DENND4B: variants seen among roughly 807,000 people sequenced by gnomAD.
The protein encoded by DENND4B is DENN domain containing 4B, also known as DENN domain-containing protein 4B.
DENND4B carries 67 observed loss-of-function variants against 161.0 expected under a neutral mutation model. That is an observed-to-expected ratio of 0.42 (90% CI 0.34 to 0.51). DENND4B has a LOEUF of 0.51. DENND4B is among the 20% of genes least tolerant of loss of function. DENND4B has a pLI of 0.08. For missense variants in DENND4B, 1,481 were observed against 1,968.0 expected, an observed-to-expected ratio of 0.75 and a Z score of 4.68; for synonymous variants, 753 against 813.8, an observed-to-expected ratio of 0.93 and a Z score of 1.27.
chr1:153,942,415 G>T lies in DENND4B; in HGVS notation c.641-59C>A. 1 of 1,589,084 alleles carries T rather than the reference G, an allele frequency of 6.3e-7. No individual in the cohort carries two copies. The highest frequency in any genetic ancestry group is 2.3e-5 in the East Asian group (1 of 43,782). ...GGAGCAGGGTCCATCAGACTCCAAG[G>T]GAAATGAACCAAGGGATCCCAGAGA... On this transcript the variant is annotated intron_variant, in intron 4 of 27. Coordinates refer to ENST00000361217, the MANE Select transcript of DENND4B (RefSeq NM_014856.3). The surrounding 1 kb of genome is among the most constrained non-coding windows in gnomAD (Gnocchi z 6.9).
In DENND4B at chr1:153,941,909, G is replaced by A. The variant is rs369509739; in HGVS notation, c.1015C>T (p.Arg339Cys). Reference sequence around the variant, plus strand: ...CGGTGGGGGCCTGAGACGGAGTAGCGGTAAAGGAAGGTGAGGAAGGCGCGG... The same window carrying A: ...CGGTGGGGGCCTGAGACGGAGTAGCAGTAAAGGAAGGTGAGGAAGGCGCGG... ...AFRAFLTFLY[R>C]YSVSGPHRLP... The change falls in exon 6 of 28, where the codon CGC becomes TGC. Residue 339 changes from arginine (R) to cysteine (C), a missense_variant. Arg to Cys is a radical substitution (Grantham distance 180). Transcript: ENST00000361217. 1 of 1,612,224 alleles carries A rather than the reference G, an allele frequency of 6.2e-7. No homozygotes were observed.
rs1571064182 is a variant in DENND4B at position 153,946,222 on chromosome 1, A to C, written c.-24+79T>G. On this transcript the variant is annotated intron_variant, in intron 1 of 27. Coordinates refer to ENST00000361217, the MANE Select transcript of DENND4B (RefSeq NM_014856.3). This position sits in a 1 kb window ranked among gnomAD's most constrained non-coding sequence, Gnocchi z 6.3. The stretch of plus-strand genomic sequence containing the variant: ...CAGTGAGGGACAGCAGCTGGGGGCC[A>C]TCCCCCACCCCGCCTGCCGCCCGCG... The C allele has an allele frequency of 3.1e-6, 1 of 323,986 alleles. No homozygotes were observed. 20.1% of individuals were successfully genotyped at this position (323,986 alleles called of 1,614,324 possible). A position where few individuals can be genotyped will look rare whatever the true frequency, so the allele number is the denominator to read the frequency against.
Position 153,934,834 on chromosome 1 carries a change from T to C in DENND4B, c.2699A>G (p.Gln900Arg), listed in dbSNP as rs988251591. 26 of 1,606,872 alleles carry C rather than the reference T, an allele frequency of 1.6e-5. No homozygotes were observed. The East Asian group carries it at 2.0e-4, about 12-fold the overall frequency. ...CTGCTGCTGCTGCTGCTGCTGTTGC[T>C]GCTGCTGCTGCTGTTGCCGTTCTCT... Reference protein sequence around the residue: ...PLRERQQQQQQQQQQQQQQQQ... With the variant: ...PLRERQQQQQRQQQQQQQQQQ... Residue 900 changes from glutamine (Q) to arginine (R), a missense_variant, in exon 18 of 28, where the codon CAG becomes CGG. Coordinates refer to ENST00000361217, the MANE Select transcript of DENND4B (RefSeq NM_014856.3). This position sits in a 1 kb window ranked among gnomAD's most constrained non-coding sequence, Gnocchi z 5.3.
In DENND4B at chr1:153,935,088, C is replaced by T. The variant is rs552762571; in HGVS notation, c.2569-124G>A. ...TGCAGACATCCTGTCTAGGACTGTC[C>T]GGCCAATGGCTCAGCCAGGAACAAG... On this transcript the variant is annotated intron_variant, in intron 17 of 27. Coordinates refer to ENST00000361217, the MANE Select transcript of DENND4B (RefSeq NM_014856.3). The T allele has an allele frequency of 3.4e-5, 50 of 1,479,616 alleles. No individual in the cohort carries two copies. In the South Asian group the frequency reaches 5.0e-4, roughly 15 times the overall value. The allele number at this position is 1,479,616 out of a possible 1,614,324, so 91.7% of individuals were successfully genotyped here. A position where few individuals can be genotyped will look rare whatever the true frequency, so the allele number is the denominator to read the frequency against.
Position 153,942,305 on chromosome 1 carries a change from T to G in DENND4B, c.692A>C (p.Glu231Ala). The G allele has an allele frequency of 6.2e-7, 1 of 1,613,634 alleles. No homozygotes were observed. Among genetic ancestry groups the G allele is most frequent in the East Asian group, 2.2e-5 (1 of 44,856 alleles). ...GGGCAGGCAGAAGACGGGCACTGAC[T>G]CGGGCAGCGGGAACGCCTCATTGTC... ...EEDNEAFPLP[E>A]SVPVFCLPMG... Residue 231 changes from glutamate (E) to alanine (A), a missense_variant, in exon 5 of 28, where the codon GAG becomes GCG. Physicochemically the swap from Glu to Ala is moderately radical, Grantham distance 107. Transcript: ENST00000361217. The surrounding 1 kb of genome is among the most constrained non-coding windows in gnomAD (Gnocchi z 6.9).
Position 153,932,511 on chromosome 1 carries a change from C to G in DENND4B, c.3760-71G>C. On this transcript the variant is annotated intron_variant, in intron 23 of 27. Coordinates refer to ENST00000361217, the MANE Select transcript of DENND4B (RefSeq NM_014856.3). The surrounding 1 kb of genome is among the most constrained non-coding windows in gnomAD (Gnocchi z 5.8). ...CAGAGCCTTGCCTCCCACTGAGCCA[C>G]CACATCCAACAGCTTTTGGGATGCC... 6.4e-7 allele frequency: 1 copy of G among 1,555,870 alleles called. No individual in the cohort carries two copies. The highest frequency in any genetic ancestry group is 8.7e-7 in the Non-Finnish European group (1 of 1,148,886).
In DENND4B at chr1:153,944,378, C is replaced by G. The variant is rs560393086; in HGVS notation, c.-4G>C. On this transcript the variant is annotated 5_prime_UTR_variant, in exon 2 of 28. Coordinates refer to ENST00000361217, the MANE Select transcript of DENND4B (RefSeq NM_014856.3). The surrounding 1 kb of genome is among the most constrained non-coding windows in gnomAD (Gnocchi z 4.8). ...GGGGGGGCCGCTCCTCCGCCATGGC[C>G]CCCCCCTCACTCACTGCATCTGGAA... The G allele has an allele frequency of 5.9e-5, 95 of 1,601,216 alleles. No homozygotes were observed. The highest frequency in any genetic ancestry group is 4.5e-4 in the African/African-American group (34 of 74,726).
At position 153,937,543 on chromosome 1, in the gene DENND4B, A is replaced by G; in HGVS notation, c.2177T>C (p.Val726Ala). The change falls in exon 15 of 28, where the codon GTG becomes GCG. Residue 726 changes from valine (V) to alanine (A), a missense_variant. Transcript: ENST00000361217. The surrounding 1 kb of genome is among the most constrained non-coding windows in gnomAD (Gnocchi z 4.7). ...SLQEQPGALP[V>A]PGPSRSAPSS... is the part of the protein sequence containing the mutation. ...GGGGGCGCTACGGGAAGGGCCTGGC[A>G]CAGGCAGGGCCCCAGGTTGCTCTTG... 2 of 1,610,120 alleles carry G rather than the reference A, an allele frequency of 1.2e-6. No individual in the cohort carries two copies. The highest frequency in any genetic ancestry group is 1.7e-6 in the Non-Finnish European group (2 of 1,178,026).
Position 153,933,637 on chromosome 1 carries a change from G to A in DENND4B, c.3176C>T (p.Ala1059Val). Residue 1059 changes from alanine (A) to valine (V), a missense_variant, in exon 20 of 28, where the codon GCC (alanine) becomes GTC (valine). This residue lies in a region of DENND4B where 339 missense variants were observed against 330.3 expected (regional missense o/e 1.03). Transcript: ENST00000361217. This position sits in a 1 kb window ranked among gnomAD's most constrained non-coding sequence, Gnocchi z 5.7. Reference sequence around the variant, plus strand: ...AGGAGTGAGCAGCTGTTGGAGGCGGGCACCCAGCCCTCGTCGGGGGGTGCC... The same window carrying A: ...AGGAGTGAGCAGCTGTTGGAGGCGGACACCCAGCCCTCGTCGGGGGGTGCC... ...EAGTPRRGLG[A>V]RLQQLLTPSR... 2 of 1,566,978 alleles carry A rather than the reference G, an allele frequency of 1.3e-6. No homozygotes were observed. Among genetic ancestry groups the A allele is most frequent in the East Asian group, 2.3e-5 (1 of 43,578 alleles).
chr1:153,943,497 G>A (rs941585921), intron 2 of DENND4B, among the ~76,000 whole-genome samples: 2 of 152,074 alleles, frequency 1.3e-5, no homozygotes, highest in African/African-American at 4.8e-5. Context: ...GGCCAACATG[G>A]TCAAACCCCA....
At position 153,930,817 on chromosome 1, in the gene DENND4B, A is replaced by G; in HGVS notation, c.4155T>C (p.Pro1385=). ...CCAACAGTGCCAAACTAAGGGATGC[A>G]GGTACAGGGCCTGGCCATACCACCC... The part of the protein sequence containing the change: ...PQRVVWPGPV[P]ASLSLALLES... The change falls in exon 26 of 28, where the codon CCT becomes CCC. Residue 1385 remains proline, a synonymous_variant. Transcript: ENST00000361217. This position sits in a 1 kb window ranked among gnomAD's most constrained non-coding sequence, Gnocchi z 4.7. 1 of 1,604,374 alleles carries G rather than the reference A, an allele frequency of 6.2e-7. No individual in the cohort carries two copies. The highest frequency in any genetic ancestry group is 8.5e-7 in the Non-Finnish European group (1 of 1,175,520).
Position 153,942,547 on chromosome 1 carries a change from G to C in DENND4B, c.640+9C>G. 3 of 1,593,424 alleles carry C rather than the reference G, an allele frequency of 1.9e-6. No homozygotes were observed. The highest frequency in any genetic ancestry group is 2.6e-6 in the Non-Finnish European group (3 of 1,169,772). Reference sequence around the variant, plus strand: ...GTCACAGGATTGGAGGGATAAAGGGGCCACTCACCTGCCTCGTACACCAGC... The same window carrying C: ...GTCACAGGATTGGAGGGATAAAGGGCCCACTCACCTGCCTCGTACACCAGC... On this transcript the variant is annotated intron_variant, in intron 4 of 27. Transcript: ENST00000361217. This position sits in a 1 kb window ranked among gnomAD's most constrained non-coding sequence, Gnocchi z 6.9.
At position 153,936,856 on chromosome 1, in the gene DENND4B, T is replaced by C. The variant is rs1679369955; in HGVS notation, c.2233-108A>G. The C allele has an allele frequency of 1.7e-6, 2 of 1,153,028 alleles. No homozygotes were observed. The highest frequency in any genetic ancestry group is 3.7e-5 in the South Asian group (2 of 54,468). The allele number at this position is 1,153,028 out of a possible 1,614,324, so 71.4% of individuals were successfully genotyped here. ...TCTCGCTCTGTCACCCAGGCTGGAG[T>C]GCAGTGGCGCAATCTTGGCTCACTG... On this transcript the variant is annotated intron_variant, in intron 15 of 27. Coordinates refer to ENST00000361217, the MANE Select transcript of DENND4B (RefSeq NM_014856.3). The surrounding 1 kb of genome is among the most constrained non-coding windows in gnomAD (Gnocchi z 4.1).
intron 6 of DENND4B, 97 bp downstream of exon 6, chr1:153,941,772 C>G: frequency 6.8e-7 from 1 of 1,464,442 alleles, no homozygotes; most frequent in Non-Finnish European, 9.3e-7. Context: ...TACCCTGTGC[C>G]CAGCCCTCCC....
At position 153,937,201 on chromosome 1, in the gene DENND4B, G is replaced by T. The variant is rs144183480; in HGVS notation, c.2232+287C>A. 2.6e-5 allele frequency among the ~76,000 whole-genome samples: 4 copies of T among 152,232 alleles called. No homozygotes were observed. Among genetic ancestry groups the T allele is most frequent in the Non-Finnish European group, 5.9e-5 (4 of 68,042 alleles). ...AGGCTGCAGCCCTGCCTGGAGCCCC[G>T]TGCAGAGAGGCTGGCCCTTGAGCAT... On this transcript the variant is annotated intron_variant, in intron 15 of 27. Coordinates refer to ENST00000361217, the MANE Select transcript of DENND4B (RefSeq NM_014856.3). The surrounding 1 kb of genome is among the most constrained non-coding windows in gnomAD (Gnocchi z 4.7).
intron 2 of DENND4B, among the ~76,000 whole-genome samples, chr1:153,943,551 G>A (rs921415858): frequency 6.6e-6 from 1 of 152,040 alleles, no homozygotes; most frequent in Non-Finnish European, 1.5e-5. Context: ...GGTGGCACAT[G>A]CCTATAGTCT....
In DENND4B at chr1:153,934,272, C is replaced by T. The variant is rs369242631; in HGVS notation, c.2804G>A (p.Arg935His). 107 of 1,595,004 alleles carry T rather than the reference C, an allele frequency of 6.7e-5. No individual in the cohort carries two copies. In the South Asian group the frequency reaches 7.1e-4, roughly 11 times the overall value. ...EPYLERPSPT[R>H]PLQRQTTWAG... ...CCAAGTAGTCTGGCGCTGAAGAGGG[C>T]GAGTAGGGGAAGGGCGCTCCAAATA... is the stretch of plus-strand genomic sequence containing the variant. Residue 935 changes from arginine (R) to histidine (H), a missense_variant, in exon 19 of 28, where the codon CGC becomes CAC. Physicochemically the swap from Arg to His is conservative, Grantham distance 29. Transcript: ENST00000361217. This position sits in a 1 kb window ranked among gnomAD's most constrained non-coding sequence, Gnocchi z 5.3.
In DENND4B at chr1:153,941,459, G is replaced by A. The variant is rs1185459574; in HGVS notation, c.1056-19C>T. On this transcript the variant is annotated intron_variant, in intron 6 of 27. Transcript: ENST00000361217. ...GATGTGCCTGGGGGACAGAGAAACA[G>A]GTCAGAGCATACTCCCCCGTCCATC... The A allele has an allele frequency of 5.6e-6, 9 of 1,606,910 alleles. No individual in the cohort carries two copies. In the East Asian group the frequency reaches 1.6e-4, roughly 28 times the overall value.
intron 1 of DENND4B, among the ~76,000 whole-genome samples, chr1:153,945,667 CTTGAT>C (rs1278858609): frequency 6.6e-6 from 1 of 152,190 alleles, no homozygotes; most frequent in Non-Finnish European, 1.5e-5. Flanking sequence ...GCGTCAGCCT[CTTGAT>C]TTAATTCTGG....
Sources: gnomAD v4.1 joint callset for allele counts (sites outside exome capture counted in the v4.1 genomes callset) on GRCh38, gnomAD v4.1.1 for gene constraint, gnomAD v4.1.1 regional missense constraint, Gnocchi (gnomAD v3.1) non-coding constraint, MANE v1.5 for transcripts, NCBI Gene and HGNC (gene_info 2026-07-23, HGNC 2026-07-21) for gene names.